The following NWD1 variants were observed in gnomAD, a reference collection of about 807,000 sequenced individuals.
NWD1 encodes NACHT and WD repeat domain containing 1.
A neutral mutation model predicts 135.1 loss-of-function variants in NWD1; 129 were observed. The observed-to-expected ratio is 0.96, with a 90% CI of 0.83 to 1.11. The LOEUF (loss-of-function observed/expected upper bound fraction) is 1.11, where lower values mean the gene tolerates loss of function less well. NWD1 is among the 50% of genes least tolerant of loss of function. The pLI is 0.00. For synonymous variants in NWD1, 773 were observed against 786.0 expected (o/e 0.98, Z 0.28); for missense variants, 1,740 against 1,851.3 (o/e 0.94, Z 1.10).
Position 16,762,139 on chromosome 19 carries a change from G to T in NWD1, c.2133+1G>T, listed in dbSNP as rs1969040272. 1 of 1,611,196 alleles carries T rather than the reference G, an allele frequency of 6.2e-7. No individual in the cohort carries two copies. The highest frequency in any genetic ancestry group is 2.2e-5 in the East Asian group (1 of 44,776). On this transcript the variant is annotated splice_donor_variant, in intron 8 of 18. Transcript: ENST00000524140. LOFTEE classifies it high-confidence loss of function. ...GAAACCACTGAACTTGGACCGAAAG[G>T]TGAGGTACCTGGGACCCCCATTCCC...
chr19:16,801,879 C>A (rs139225696), intron 17 of NWD1, among the ~76,000 whole-genome samples: 1 of 151,960 alleles, frequency 6.6e-6, no homozygotes, highest in African/African-American at 2.4e-5. Flanking sequence ...TTAGTTCTCG[C>A]GAGGTTGTTA....
rs568897141 is a variant in NWD1 at position 16,756,624 on chromosome 19, A to C, written c.1770-2601A>C. ...CTGTCTATCTATAATCTATATGCCT[A>C]TCTATACATCTGCCTGTCTATCATG... On this transcript the variant is annotated intron_variant, in intron 6 of 18. Coordinates refer to ENST00000524140, the MANE Select transcript of NWD1 (RefSeq NM_001007525.5). Among the ~76,000 whole-genome samples, 3 of 152,164 alleles carry C rather than the reference A, an allele frequency of 2.0e-5. No individual in the cohort carries two copies. The South Asian group carries it at 6.2e-4, about 32-fold the overall frequency.
rs979416753 is a variant in NWD1, at chr19:16,720,118, C to T, written c.-280C>T. 4 of 152,184 alleles carry T rather than the reference C, an allele frequency of 2.6e-5. No individual in the cohort carries two copies. Among genetic ancestry groups the T allele is most frequent in the African/African-American group, 9.7e-5 (4 of 41,448 alleles). The allele number at this position is 152,184 out of a possible 1,614,324, so 9.4% of individuals were successfully genotyped here. A position where few individuals can be genotyped will look rare whatever the true frequency, so the allele number is the denominator to read the frequency against. On this transcript the variant is annotated 5_prime_UTR_variant, in exon 1 of 19. Transcript: ENST00000524140. ...CCTGCTCAGCTGTCTTCTTCAGCAA[C>T]AAACAGAAGTCCAGAAAGAGAAACA...
chr19:16,801,290 T>A (rs2123106408), intron 17 of NWD1: 1 of 150,360 alleles, frequency 6.7e-6, no homozygotes, highest in Non-Finnish European at 1.5e-5. Flanking sequence ...AAAAAAAAAA[T>A]TAGCTGGATA....
intron 4 of NWD1, chr19:16,738,339 C>A: frequency 5.8e-6 from 2 of 343,724 alleles, no homozygotes; most frequent in Non-Finnish European, 1.2e-5. Context: ...GAGGCTGAGG[C>A]AGGTGGACAA....
Position 16,797,865 on chromosome 19 carries a change from G to T in NWD1, c.3438G>T (p.Gly1146=). 1 of 1,613,878 alleles carries T rather than the reference G, an allele frequency of 6.2e-7. No homozygotes were observed. Among genetic ancestry groups the T allele is most frequent in the Non-Finnish European group, 8.5e-7 (1 of 1,179,834 alleles). The change falls in exon 16 of 19, where the codon GGG becomes GGT. Residue 1146 remains glycine, a synonymous_variant. Transcript: ENST00000524140. ...FGTENNLIIT[G]SLDALIQVWS... ...CTGAGAACAACCTGATCATCACGGG[G>T]TCCCTTGATGCGCTCATTCAGGTGA...
chr19:16,802,139 C>A (rs1021236782), intron 17 of NWD1, among the ~76,000 whole-genome samples: 20 of 151,926 alleles, frequency 1.3e-4, no homozygotes, highest in African/African-American at 4.8e-4. Context: ...CAAAAATTAG[C>A]CGGACGTGGT....
chr19:16,807,380 C>A lies in NWD1; in HGVS notation c.3737-206C>A, dbSNP rs577267544. ...TGGTGGCACACACTTGTAATCCCAGCTACTCGGGAGGCTGCGGCAGGAGGA... is the reference window on the plus strand; with the variant it reads ...TGGTGGCACACACTTGTAATCCCAGATACTCGGGAGGCTGCGGCAGGAGGA... On this transcript the variant is annotated intron_variant, in intron 17 of 18. Coordinates refer to ENST00000524140, the MANE Select transcript of NWD1 (RefSeq NM_001007525.5). Among the ~76,000 whole-genome samples, 23 of 152,170 alleles carry A rather than the reference C, an allele frequency of 1.5e-4. No individual in the cohort carries two copies. In the South Asian group the frequency reaches 4.6e-3, roughly 30 times the overall value.
intron 8 of NWD1, among the ~76,000 whole-genome samples, chr19:16,762,880 G>C (rs527915241): frequency 5.7e-4 from 86 of 151,924 alleles, no homozygotes; most frequent in African/African-American, 2.1e-3. Context: ...TGCCTCCCAG[G>C]TTCAAGCGAT....
At chr19:16,756,551 C>T (rs113955334) in intron 6 of NWD1, among the ~76,000 whole-genome samples, 2 of 152,276 alleles carry the variant, frequency 1.3e-5, no homozygotes, top group African/African-American at 4.8e-5. Context: ...TTATGTTTAT[C>T]TATCTCTGTA....
Position 16,797,328 on chromosome 19 carries a change from CT to C in NWD1, c.3305-384del, listed in dbSNP as rs764836395. On this transcript the variant is annotated intron_variant, in intron 15 of 18. Transcript: ENST00000524140. ...ACCTAGCAGGGGTTCCAAAACATCTCTTTTTTTTTTTTTTTTTTTTGAGACA... is the reference window on the plus strand; with the variant it reads ...ACCTAGCAGGGGTTCCAAAACATCTCTTTTTTTTTTTTTTTTTTTGAGACA... Among the ~76,000 whole-genome samples, 990 of 120,342 alleles carry C rather than the reference CT, an allele frequency of 8.2e-3. 1 individual carries two copies. The highest frequency in any genetic ancestry group is 0.013 in the Middle Eastern group (3 of 240). 78.9% of individuals were successfully genotyped at this position (120,342 alleles called of 152,430 possible).
At chr19:16,797,329 T>C (rs778611993) in intron 15 of NWD1, among the ~76,000 whole-genome samples, 3 of 113,852 alleles carry the variant, frequency 2.6e-5, no homozygotes, top group Non-Finnish European at 5.5e-5. Context: ...AAAACATCTC[T>C]TTTTTTTTTT....
At chr19:16,796,984 G>T (rs1263526227) in intron 15 of NWD1, among the ~76,000 whole-genome samples, 2 of 152,050 alleles carry the variant, frequency 1.3e-5, no homozygotes, top group Non-Finnish European at 2.9e-5. Flanking sequence ...TTTGAGACCA[G>T]CTTGGCCAGC....
At chr19:16,784,036 C>T (rs949489891) in intron 12 of NWD1, among the ~76,000 whole-genome samples, 3 of 152,030 alleles carry the variant, frequency 2.0e-5, no homozygotes, top group South Asian at 2.1e-4. Context: ...GAAACCCCAT[C>T]TCTACTAAAA....
At chr19:16,796,557 C>T (rs1274213058) in intron 15 of NWD1, among the ~76,000 whole-genome samples, 5 of 152,200 alleles carry the variant, frequency 3.3e-5, no homozygotes, top group Admixed American at 3.3e-4. Flanking sequence ...GGTACAGTTT[C>T]ACTGGGGACC....
At chr19:16,790,691 T>A (rs1970215869) in intron 13 of NWD1, among the ~76,000 whole-genome samples, 1 of 151,838 alleles carries the variant, frequency 6.6e-6, no homozygotes, top group African/African-American at 2.4e-5. Context: ...GAAATGTGAC[T>A]GTCCCAACAT....
chr19:16,809,509 A>G (rs1599566484), intron 18 of NWD1, among the ~76,000 whole-genome samples: 1 of 146,060 alleles, frequency 6.8e-6, no homozygotes, highest in Non-Finnish European at 1.5e-5. Flanking sequence ...CACTCTCTTC[A>G]CCCTAATCCT....
chr19:16,780,864 G>T (rs867327813), intron 12 of NWD1, among the ~76,000 whole-genome samples: 1 of 152,146 alleles, frequency 6.6e-6, no homozygotes, highest in South Asian at 2.1e-4. Context: ...TCACTATGTT[G>T]CTGAGGCTGG....
chr19:16,768,547 T>C (rs1203325067), intron 10 of NWD1, among the ~76,000 whole-genome samples: 1 of 152,078 alleles, frequency 6.6e-6, no homozygotes, highest in East Asian at 1.9e-4. Flanking sequence ...TGGGAGACAA[T>C]AAATAATATC....
Sources: gnomAD v4.1 joint callset for allele counts (sites outside exome capture counted in the v4.1 genomes callset) on GRCh38, gnomAD v4.1.1 for gene constraint, MANE v1.5 for transcripts, NCBI Gene and HGNC (gene_info 2026-07-23, HGNC 2026-07-21) for gene names.